Variants in GLB1L3 observed in about 807,000 individuals in gnomAD.
GLB1L3 encodes beta-galactosidase-1-like protein 3.
GLB1L3 carries 89 observed loss-of-function variants against 89.5 expected under a neutral mutation model. The observed-to-expected ratio is 0.99, with a 90% CI of 0.84 to 1.19. The LOEUF (loss-of-function observed/expected upper bound fraction) is 1.19. GLB1L3 is among the 50% of genes most tolerant of loss of function. The probability of loss-of-function intolerance (pLI) is 0.00; values close to 1 mark genes in which losing one functional copy is unlikely to be tolerated. For missense variants in GLB1L3, 812 were observed against 813.3 expected (o/e 1.00, Z 0.02); for synonymous variants, 314 against 312.3 (o/e 1.01, Z -0.06).
In GLB1L3 at chr11:134,318,877, G is replaced by T. The variant is rs754008877; in HGVS notation, c.1897G>T (p.Val633Phe). Residue 633 changes from valine to phenylalanine, a missense_variant and splice_region_variant, in exon 20 of 20, where the codon GTC (valine) becomes TTC (phenylalanine). Physicochemically the swap from Val to Phe is conservative, Grantham distance 50 (BLOSUM62 -1). Coordinates refer to ENST00000431683, the MANE Select transcript of GLB1L3 (RefSeq NM_001080407.3). ...CTGTCAACCTTTCTTTTCTTCTCAG[G>T]TCATCTTGTTTGAGAAGATGATGAG... is the stretch of plus-strand genomic sequence containing the variant. ...GVWLHPEDNE[V>F]ILFEKMMSGS... is the part of the protein sequence containing the mutation. 2 of 1,611,772 alleles carry T rather than the reference G, an allele frequency of 1.2e-6. No homozygotes were observed. The highest frequency in any genetic ancestry group is 1.3e-5 in the African/African-American group (1 of 74,862).
intron 5 of GLB1L3, among the ~76,000 whole-genome samples, chr11:134,282,425 C>T (rs1357968052): frequency 6.6e-6 from 1 of 152,088 alleles, no homozygotes. Flanking sequence ...GAGGCTCCCA[C>T]TCTTCTTTCC....
chr11:134,310,232 CA>C, intron 11 of GLB1L3: 1 of 362,958 alleles, frequency 2.8e-6, no homozygotes, highest in Non-Finnish European at 5.1e-6. Flanking sequence ...AAAAAAAACA[CA>C]AAATGTTTTA....
chr11:134,307,174 A>G lies in GLB1L3; in HGVS notation c.927A>G (p.Arg309=). The G allele has an allele frequency of 6.2e-7, 1 of 1,613,654 alleles. No individual in the cohort carries two copies. The highest frequency in any genetic ancestry group is 8.5e-7 in the Non-Finnish European group (1 of 1,179,688). Residue 309 remains arginine (R), a synonymous_variant, in exon 10 of 20, where the codon AGA becomes AGG. Coordinates refer to ENST00000431683, the MANE Select transcript of GLB1L3 (RefSeq NM_001080407.3). ...AATACTGGGTCGGCTGGTTCGACAGATGGGGAGATAAGCACCATGTTAAAG... is the reference window on the plus strand; with the variant it reads ...AATACTGGGTCGGCTGGTTCGACAGGTGGGGAGATAAGCACCATGTTAAAG... ...IMEYWVGWFD[R]WGDKHHVKDA... is the part of the protein sequence containing the mutation.
intron 9 of GLB1L3, chr11:134,305,227 T>G: frequency 1.2e-6 from 1 of 816,716 alleles, no homozygotes; most frequent in Non-Finnish European, 2.1e-6. Flanking sequence ...AAGCTTCTGA[T>G]GCACTGAATT....
At chr11:134,318,792 A>T (rs1325660505) in intron 19 of GLB1L3, 45 bp downstream of exon 19, 1 of 1,549,066 alleles carries the variant, frequency 6.5e-7, no homozygotes, top group Non-Finnish European at 8.9e-7. Flanking sequence ...AAACTTTCAG[A>T]TCAAAATGTG....
intron 6 of GLB1L3, among the ~76,000 whole-genome samples, chr11:134,287,540 A>G (rs1396910071): frequency 6.6e-6 from 1 of 152,214 alleles, no homozygotes; most frequent in African/African-American, 2.4e-5. Context: ...TTCCTCTGCA[A>G]TGGGGTTTTT....
At chr11:134,308,416 CCAT>C (rs1565413642) in intron 10 of GLB1L3, among the ~76,000 whole-genome samples, 33 of 98,394 alleles carry the variant, frequency 3.4e-4, no homozygotes, top group South Asian at 6.5e-4. Flanking sequence ...ACCACCACCA[CCAT>C]CATCACCATC....
intron 6 of GLB1L3, among the ~76,000 whole-genome samples, chr11:134,288,431 A>T (rs1222767213): frequency 6.6e-6 from 1 of 152,218 alleles, no homozygotes; most frequent in Non-Finnish European, 1.5e-5. Flanking sequence ...AGGCAGCGGA[A>T]GGCCGTGGGA....
chr11:134,314,176 G>A, intron 17 of GLB1L3, 148 bp downstream of exon 17: 1 of 734,580 alleles, frequency 1.4e-6, no homozygotes, highest in Non-Finnish European at 2.3e-6. Flanking sequence ...CTAGGGCCCT[G>A]GAACAAGTGT....
chr11:134,283,334 G>C (rs1940802274), intron 5 of GLB1L3, among the ~76,000 whole-genome samples: 1 of 152,124 alleles, frequency 6.6e-6, no homozygotes, highest in African/African-American at 2.4e-5. Context: ...AAAGTGCTGG[G>C]ATTATAGGCA....
In GLB1L3 at chr11:134,309,754, A is replaced by C. The variant is rs1591584237; in HGVS notation, c.1090A>C (p.Thr364Pro). ...TYFGKHSGIVTSYDYDAVLTE... is the reference protein window; with the variant it reads ...TYFGKHSGIVPSYDYDAVLTE... ...TTTCGGGAAGCACTCGGGCATTGTC[A>C]CCAGCTATGGCAAGTGTCGCTGGTG... Residue 364 changes from threonine to proline, a missense_variant, in exon 11 of 20, where the codon ACC (threonine) becomes CCC (proline). Physicochemically the swap from Thr to Pro is conservative, Grantham distance 38. Around this residue, in one of 3 missense-constraint regions of GLB1L3, gnomAD observed 618 missense variants for 604.0 expected, o/e 1.02. Coordinates refer to ENST00000431683, the MANE Select transcript of GLB1L3 (RefSeq NM_001080407.3). 1 of 1,613,214 alleles carries C rather than the reference A, an allele frequency of 6.2e-7. No individual in the cohort carries two copies. Among genetic ancestry groups the C allele is most frequent in the Non-Finnish European group, 8.5e-7 (1 of 1,179,578 alleles).
chr11:134,307,921 A>C (rs1379647690), intron 10 of GLB1L3, among the ~76,000 whole-genome samples: 1 of 152,214 alleles, frequency 6.6e-6, no homozygotes, highest in Middle Eastern at 3.2e-3. Flanking sequence ...AGATATTTCG[A>C]AAGAGCTGTT....
chr11:134,286,309 T>G (rs1234763433), intron 6 of GLB1L3, among the ~76,000 whole-genome samples: 1 of 152,110 alleles, frequency 6.6e-6, no homozygotes, highest in Admixed American at 6.5e-5. Context: ...TGCAATACAG[T>G]TTTGAGAGAC....
chr11:134,288,851 A>T lies in GLB1L3; in HGVS notation c.690A>T (p.Ser230=), dbSNP rs3824995. 3.7e-6 allele frequency: 6 copies of T among 1,612,728 alleles called. No individual in the cohort carries two copies. Among genetic ancestry groups the T allele is most frequent in the Non-Finnish European group, 5.1e-6 (6 of 1,179,334 alleles). The change falls in exon 7 of 20, where the codon TCA becomes TCT. Residue 230 remains serine (S), a synonymous_variant. Transcript: ENST00000431683. ...IAVQVENEYG[S]FNKDKTYMPY... The stretch of plus-strand genomic sequence containing the variant: ...TGCAAGTGGAGAATGAGTATGGCTC[A>T]TTCAATAAGGATAAAACATACATGC...
intron 13 of GLB1L3, chr11:134,311,410 T>A (rs755366834): frequency 2.9e-4 from 141 of 490,112 alleles, no homozygotes; most frequent in Non-Finnish European, 5.0e-4. Flanking sequence ...CCCGCTTAGA[T>A]GAACCTGTCT....
chr11:134,314,741 G>A (rs1942904687), intron 18 of GLB1L3, among the ~76,000 whole-genome samples: 1 of 152,098 alleles, frequency 6.6e-6, no homozygotes, highest in Non-Finnish European at 1.5e-5. Context: ...ACTCAACACT[G>A]CCAACAGTGG....
Position 134,307,204 on chromosome 11 carries a change from A to G in GLB1L3, c.957A>G (p.Ala319=), listed in dbSNP as rs1942244841. The G allele has an allele frequency of 6.2e-7, 1 of 1,611,898 alleles. No individual in the cohort carries two copies. Among genetic ancestry groups the G allele is most frequent in the African/African-American group, 1.3e-5 (1 of 74,872 alleles). The change falls in exon 10 of 20, where the codon GCA becomes GCG. Residue 319 remains alanine, a synonymous_variant. Transcript: ENST00000431683. ...GAGATAAGCACCATGTTAAAGATGC[A>G]AAGGGTGAGTGTTTTGCAGTGTTTG... The part of the protein sequence containing the change: ...RWGDKHHVKD[A]KEVEHAVSEF...
chr11:134,291,284 T>C (rs1272293344), intron 7 of GLB1L3, among the ~76,000 whole-genome samples: 1 of 151,992 alleles, frequency 6.6e-6, no homozygotes, highest in East Asian at 1.9e-4. Flanking sequence ...TTTTTTTTTT[T>C]TTTTCTGAGA....
chr11:134,297,656 T>C (rs1402469547), intron 9 of GLB1L3, among the ~76,000 whole-genome samples: 1 of 150,050 alleles, frequency 6.7e-6, no homozygotes, highest in Non-Finnish European at 1.5e-5. Context: ...AGGTCAGGAG[T>C]TTGAGACCAG....
Sources: allele counts gnomAD v4.1 joint callset (sites outside exome capture counted in the v4.1 genomes callset), GRCh38; gene constraint gnomAD v4.1.1; regional missense constraint gnomAD v4.1.1; transcripts MANE v1.5; gene names NCBI Gene and HGNC (gene_info 2026-07-23, HGNC 2026-07-21).